The following SCAI variants were observed in gnomAD, a reference collection of about 807,000 sequenced individuals.
SCAI encodes protein SCAI.
A neutral mutation model predicts 92.2 loss-of-function variants in SCAI; 24 were observed. The observed-to-expected ratio is 0.26, with a 90% CI of 0.19 to 0.37. The LOEUF is 0.37. Ranked by LOEUF, SCAI falls within the 10% of genes least tolerant of loss-of-function variation. The pLI is 1.00. For missense variants in SCAI, 450 were observed against 736.2 expected, an observed-to-expected ratio of 0.61 and a Z score of 4.50; for synonymous variants, 261 against 258.6, an observed-to-expected ratio of 1.01 and a Z score of -0.09.
chr9:125,026,969 A>G, intron 5 of SCAI, 59 bp from the exon 6 acceptor site: 2 of 1,018,416 alleles, frequency 2.0e-6, no homozygotes, highest in Non-Finnish European at 3.0e-6. Context: ...ACCATGGTAA[A>G]TACTTGTTCT....
intron 3 of SCAI, among the ~76,000 whole-genome samples, chr9:125,031,962 G>A (rs1833081484): frequency 6.6e-6 from 1 of 151,616 alleles, no homozygotes; most frequent in Non-Finnish European, 1.5e-5. Context: ...TCTTGTTTCT[G>A]GGCCCCCTAC....
chr9:125,127,181 T>G (rs6478697), intron 2 of SCAI, among the ~76,000 whole-genome samples: 70,694 of 151,954 alleles, frequency 0.47, 16,946 homozygotes, highest in East Asian at 0.61. Context: ...CTGAAGCCTG[T>G]ACATCAGAAT....
Position 125,091,793 on chromosome 9 carries a change from G to A in SCAI, c.99-35786C>T, listed in dbSNP as rs375630537. 9.2e-5 allele frequency among the ~76,000 whole-genome samples: 14 copies of A among 152,056 alleles called. No individual in the cohort carries two copies. The East Asian group carries it at 1.5e-3, about 17-fold the overall frequency. ...CGCCATCCCCACTTTTCAGCTGATG[G>A]CAATTGTTTTATATTTCACTAAAAA... On this transcript the variant is annotated intron_variant, in intron 2 of 17. Transcript: ENST00000336505. The surrounding 1 kb of genome is among the most constrained non-coding windows in gnomAD (Gnocchi z 4.3).
At chr9:124,968,714 C>G (rs1831591565) in intron 17 of SCAI, 1 of 1,405,674 alleles carries the variant, frequency 7.1e-7, no homozygotes, top group Non-Finnish European at 1.0e-6. Flanking sequence ...AATAGACACT[C>G]TGCTTTTTGA....
In SCAI at chr9:124,948,842, C is replaced by T. The variant is rs1671362096; in HGVS notation, c.*3965G>A. 1 of 152,136 alleles carries T rather than the reference C, an allele frequency of 6.6e-6. No homozygotes were observed. The highest frequency in any genetic ancestry group is 1.5e-5 in the Non-Finnish European group (1 of 68,018). The allele number at this position is 152,136 out of a possible 1,614,324, so 9.4% of individuals were successfully genotyped here. A position where few individuals can be genotyped will look rare whatever the true frequency, so the allele number is the denominator to read the frequency against. The stretch of plus-strand genomic sequence containing the variant: ...AGGAGTGCTTTTTCCCTTTGCTTTG[C>T]TCTGTTCTTAGTTCCAATATTTAAA... On this transcript the variant is annotated 3_prime_UTR_variant, in exon 18 of 18. Coordinates refer to ENST00000336505, the MANE Select transcript of SCAI (RefSeq NM_001144877.3).
intron 2 of SCAI, among the ~76,000 whole-genome samples, chr9:125,084,327 C>T (rs990050225): frequency 2.0e-5 from 3 of 151,836 alleles, no homozygotes; most frequent in Admixed American, 6.6e-5. Context: ...CCCACCACCA[C>T]GCCCGGCTAA....
intron 14 of SCAI, among the ~76,000 whole-genome samples, chr9:124,994,733 C>T (rs530731451): frequency 2.0e-5 from 3 of 152,182 alleles, no homozygotes; most frequent in South Asian, 4.1e-4. Flanking sequence ...ACTGAGTGTC[C>T]ATTCATGCGT....
Position 125,143,350 on chromosome 9 carries a change from C to T in SCAI, c.53+35G>A, listed in dbSNP as rs754638103. On this transcript the variant is annotated intron_variant, in intron 1 of 17. Transcript: ENST00000336505. The stretch of plus-strand genomic sequence containing the variant: ...TGGGCCCGCTCCCTGGCCCCCACCC[C>T]ATCCCCAACCCCGGCCTCCACCCAG... 42 of 1,280,974 alleles carry T rather than the reference C, an allele frequency of 3.3e-5. No individual in the cohort carries two copies. The East Asian group carries it at 9.4e-4, about 29-fold the overall frequency. 79.4% of individuals were successfully genotyped at this position (1,280,974 alleles called of 1,614,324 possible).
At chr9:125,056,911 A>G (rs1402388714) in intron 2 of SCAI, among the ~76,000 whole-genome samples, 1 of 152,234 alleles carries the variant, frequency 6.6e-6, no homozygotes, top group Non-Finnish European at 1.5e-5. Context: ...ATACATACAC[A>G]CACACGTACA....
At chr9:124,982,452 A>T (rs1831905429) in intron 14 of SCAI, among the ~76,000 whole-genome samples, 1 of 152,052 alleles carries the variant, frequency 6.6e-6, no homozygotes, top group Admixed American at 6.6e-5. Flanking sequence ...GGGGTGGTTC[A>T]TCTGAGGTCA....
rs371191427 is a variant in SCAI at position 124,985,835 on chromosome 9, C to T, written c.1326+9099G>A. Among the ~76,000 whole-genome samples, 16 of 148,974 alleles carry T rather than the reference C, an allele frequency of 1.1e-4. No homozygotes were observed. In the East Asian group the frequency reaches 3.2e-3, roughly 29 times the overall value. ...GTGAGATCGCACCATTGCACTCCAG[C>T]CTGGGCAACAAGAGTGAAACTCTGT... is the stretch of plus-strand genomic sequence containing the variant. On this transcript the variant is annotated intron_variant, in intron 14 of 17. Transcript: ENST00000336505.
intron 14 of SCAI, among the ~76,000 whole-genome samples, chr9:124,988,319 A>G (rs1019677882): frequency 3.3e-5 from 5 of 152,036 alleles, no homozygotes; most frequent in Non-Finnish European, 5.9e-5. Flanking sequence ...CTTAAGTATG[A>G]GCAAACAAGC....
intron 2 of SCAI, among the ~76,000 whole-genome samples, chr9:125,085,246 G>A (rs192425973): frequency 1.3e-5 from 2 of 152,292 alleles, no homozygotes; most frequent in East Asian, 3.9e-4. Context: ...CAGCGCTTCG[G>A]GAGGTTGAGG....
intron 9 of SCAI, among the ~76,000 whole-genome samples, chr9:125,006,070 T>C (rs73577820): frequency 1.4e-3 from 217 of 152,308 alleles, no homozygotes; most frequent in African/African-American, 4.8e-3. Context: ...CAGATCTTCG[T>C]TGGAAGAAGG....
rs1308623788 is a variant in SCAI, at chr9:124,952,319, A to G, written c.*488T>C. ...TTGATCATGTTTCAAAGGATCAAAC[A>G]TTTTTCTACCAGCTAAGTTGGAATG... On this transcript the variant is annotated 3_prime_UTR_variant, in exon 18 of 18. Transcript: ENST00000336505. The G allele has an allele frequency of 1.3e-5, 2 of 152,278 alleles. No homozygotes were observed. The highest frequency in any genetic ancestry group is 2.9e-5 in the Non-Finnish European group (2 of 68,074). The allele number at this position is 152,278 out of a possible 1,614,324, so 9.4% of individuals were successfully genotyped here.
chr9:125,037,925 A>C (rs1381500457), intron 3 of SCAI, among the ~76,000 whole-genome samples: 2 of 151,930 alleles, frequency 1.3e-5, no homozygotes, highest in Non-Finnish European at 2.9e-5. Flanking sequence ...TCAGGAAAAA[A>C]AAAAGAATTA....
intron 9 of SCAI, among the ~76,000 whole-genome samples, chr9:125,004,210 A>G (rs1038403073): frequency 6.6e-6 from 1 of 152,044 alleles, no homozygotes; most frequent in Non-Finnish European, 1.5e-5. Flanking sequence ...CAGAGACTAT[A>G]TTAGGTTCTA....
At chr9:124,998,193 G>A (rs192314395) in intron 13 of SCAI, among the ~76,000 whole-genome samples, 7 of 152,244 alleles carry the variant, frequency 4.6e-5, no homozygotes, top group African/African-American at 9.6e-5. Flanking sequence ...GGCCCAGCGC[G>A]GTGGCTCATG....
Position 125,073,607 on chromosome 9 carries a change from T to C in SCAI, c.99-17600A>G, listed in dbSNP as rs1037838819. On this transcript the variant is annotated intron_variant, in intron 2 of 17. Transcript: ENST00000336505. ...TTTGCATTTCTCTAATGACAAGTGA[T>C]GCTGAGCATCTTTTCACCTGCTTAT... Among the ~76,000 whole-genome samples, 19 of 152,348 alleles carry C rather than the reference T, an allele frequency of 1.2e-4. No individual in the cohort carries two copies. In the East Asian group the frequency reaches 3.5e-3, roughly 28 times the overall value.
Sources: gnomAD v4.1 joint callset for allele counts (sites outside exome capture counted in the v4.1 genomes callset) on GRCh38, gnomAD v4.1.1 for gene constraint, Gnocchi (gnomAD v3.1) non-coding constraint, MANE v1.5 for transcripts, NCBI Gene and HGNC (gene_info 2026-07-23, HGNC 2026-07-21) for gene names.